UNC13B: variants seen among roughly 807,000 people sequenced by gnomAD.
UNC13B encodes the protein protein unc-13 homolog B.
In UNC13B, 144 loss-of-function variants were observed where a neutral mutation model predicts 211.0. The ratio of observed to expected loss-of-function variants is 0.68; its 90% CI spans 0.60 to 0.78. The LOEUF is 0.78. Among genes scored for constraint, UNC13B ranks in the 30% least tolerant of loss-of-function variants. The probability of loss-of-function intolerance (pLI) is 0.00; values close to 1 mark genes in which losing one functional copy is unlikely to be tolerated. For missense variants in UNC13B, 1,777 were observed against 2,002.0 expected, an observed-to-expected ratio of 0.89 and a Z score of 2.14; for synonymous variants, 709 against 725.8, an observed-to-expected ratio of 0.98 and a Z score of 0.37.
intron 7 of UNC13B, among the ~76,000 whole-genome samples, chr9:35,281,752 A>G (rs1360297800): frequency 6.6e-6 from 1 of 152,208 alleles, no homozygotes; most frequent in Non-Finnish European, 1.5e-5. Flanking sequence ...TTACCTATTC[A>G]TTTCTACCTC....
At chr9:35,223,611 G>T (rs1158670365) in intron 1 of UNC13B, among the ~76,000 whole-genome samples, 1 of 151,364 alleles carries the variant, frequency 6.6e-6, no homozygotes, top group Non-Finnish European at 1.5e-5. Flanking sequence ...TGCAAATATT[G>T]TCTCCCATTC....
intron 1 of UNC13B, among the ~76,000 whole-genome samples, chr9:35,169,766 A>C (rs1468290950): frequency 6.6e-6 from 1 of 152,204 alleles, no homozygotes; most frequent in Non-Finnish European, 1.5e-5. Context: ...TCTGTTCCTT[A>C]TAAGTAGCGT....
At position 35,305,858 on chromosome 9, in the gene UNC13B, C is replaced by T. The variant is rs929455681; in HGVS notation, c.6454C>T (p.Gln2152Ter). 1.3e-5 allele frequency: 5 copies of T among 398,868 alleles called. No homozygotes were observed. Among genetic ancestry groups the T allele is most frequent in the African/African-American group, 8.2e-5 (4 of 48,642 alleles). 24.7% of individuals were successfully genotyped at this position (398,868 alleles called of 1,614,324 possible). Residue 2152 changes from glutamine (Q) to a stop codon, truncating the protein, a stop_gained, in exon 9 of 40, where the codon CAA (glutamine) becomes TAA (stop). Coordinates refer to ENST00000635942, the MANE Select transcript of UNC13B (RefSeq NM_001371189.2). LOFTEE classifies it high-confidence loss of function. ...CTCTATGGCTGCAACATCTTCATCTCAACCAGAGTTATCAACCAAAAAGAG... is the reference window on the plus strand; with the variant it reads ...CTCTATGGCTGCAACATCTTCATCTTAACCAGAGTTATCAACCAAAAAGAG... Reference protein sequence around the residue: ...SFSMAATSSSQPELSTKKSIF... With the variant: ...SFSMAATSSS
rs572458105 is a variant in UNC13B, at chr9:35,218,928, T to C, written c.23-9087T>C. Among the ~76,000 whole-genome samples, 15 of 152,138 alleles carry C rather than the reference T, an allele frequency of 9.9e-5. No homozygotes were observed. The South Asian group carries it at 3.1e-3, about 32-fold the overall frequency. On this transcript the variant is annotated intron_variant, in intron 1 of 39. Transcript: ENST00000635942. Reference sequence around the variant, plus strand: ...CCACGCCTGGCTAATTTTGTATTTTTAGTAGAGATGGGGTTTCTCCATGTT... The same window carrying C: ...CCACGCCTGGCTAATTTTGTATTTTCAGTAGAGATGGGGTTTCTCCATGTT...
intron 1 of UNC13B, among the ~76,000 whole-genome samples, chr9:35,213,660 CAGTT>C (rs1289871071): frequency 7.2e-5 from 11 of 152,100 alleles, no homozygotes; most frequent in African/African-American, 2.7e-4. Context: ...GTCATATGCT[CAGTT>C]AAAGCCTGGC....
chr9:35,170,331 A>G (rs773646541), intron 1 of UNC13B, among the ~76,000 whole-genome samples: 3 of 151,800 alleles, frequency 2.0e-5, no homozygotes, highest in Non-Finnish European at 4.4e-5. Context: ...ACGCCTAGCT[A>G]ATTTTTGTAT....
intron 26 of UNC13B, among the ~76,000 whole-genome samples, chr9:35,392,770 T>C (rs988026890): frequency 2.0e-5 from 3 of 151,464 alleles, no homozygotes; most frequent in Non-Finnish European, 4.4e-5. Context: ...TGTGCACATG[T>C]ACCCTAAAAC....
Position 35,390,627 on chromosome 9 carries a change from A to G in UNC13B, c.11223-2A>G. 1 of 1,613,738 alleles carries G rather than the reference A, an allele frequency of 6.2e-7. No homozygotes were observed. The highest frequency in any genetic ancestry group is 8.5e-7 in the Non-Finnish European group (1 of 1,179,924). ...CTGACTGTGGTTTCTTCTGTCATCC[A>G]GGTTTCCTCAGGAGTTGAATGTGGG... is the stretch of plus-strand genomic sequence containing the variant. On this transcript the variant is annotated splice_acceptor_variant, in intron 25 of 39. Coordinates refer to ENST00000635942, the MANE Select transcript of UNC13B (RefSeq NM_001371189.2). LOFTEE classifies it high-confidence loss of function.
intron 8 of UNC13B, among the ~76,000 whole-genome samples, chr9:35,296,226 C>A (rs568496371): frequency 6.6e-6 from 1 of 152,220 alleles, no homozygotes; most frequent in Non-Finnish European, 1.5e-5. Context: ...CACTTCCTGA[C>A]TCAGTGAGTT....
Position 35,162,297 on chromosome 9 carries a change from G to T in UNC13B, c.14G>T (p.Cys5Phe). ...CGATCCTCGGCCATGTCACTGCTCT[G>T]CGTGCGCGGTGAGTGCGCGGACTGA... MSLL[C>F]VRVKRAKFQG... Residue 5 changes from cysteine to phenylalanine, a missense_variant, in exon 1 of 40, where the codon TGC becomes TTC. Physicochemically the swap from Cys to Phe is radical, Grantham distance 205. Transcript: ENST00000635942. 6.5e-7 allele frequency: 1 copy of T among 1,543,164 alleles called. No homozygotes were observed.
In UNC13B at chr9:35,231,135, A is replaced by G. The variant is rs1564081136; in HGVS notation, c.68A>G (p.Tyr23Cys). The change falls in exon 3 of 40, where the codon TAT becomes TGT. Residue 23 changes from tyrosine to cysteine, a missense_variant. Coordinates refer to ENST00000635942, the MANE Select transcript of UNC13B (RefSeq NM_001371189.2). ...TTTTTCAAAGATAAATTTAACACATATGTGACCCTGAAAGTACAGAATGTG... is the reference window on the plus strand; with the variant it reads ...TTTTTCAAAGATAAATTTAACACATGTGTGACCCTGAAAGTACAGAATGTG... ...FQGSPDKFNT[Y>C]VTLKVQNVKS... 2 of 1,611,980 alleles carry G rather than the reference A, an allele frequency of 1.2e-6. No individual in the cohort carries two copies. Among genetic ancestry groups the G allele is most frequent in the South Asian group, 1.1e-5 (1 of 90,946 alleles).
intron 11 of UNC13B, among the ~76,000 whole-genome samples, chr9:35,329,216 G>A (rs538820405): frequency 6.6e-6 from 1 of 152,234 alleles, no homozygotes; most frequent in South Asian, 2.1e-4. Flanking sequence ...TTCCCCAGGG[G>A]TTGGATACCT....
intron 12 of UNC13B, 51 bp downstream of exon 12, chr9:35,367,044 T>C (rs758832166): frequency 6.4e-7 from 1 of 1,550,402 alleles, no homozygotes; most frequent in African/African-American, 1.4e-5. Context: ...TATCTCTTGA[T>C]GCTTTTAGCT....
At chr9:35,367,062 T>C in intron 12 of UNC13B, 69 bp downstream of exon 12, 1 of 1,489,584 alleles carries the variant, frequency 6.7e-7, no homozygotes, top group Non-Finnish European at 9.4e-7. Flanking sequence ...GCTTTTCCCC[T>C]GGGAAGCAGG....
intron 1 of UNC13B, among the ~76,000 whole-genome samples, chr9:35,173,355 A>G (rs999707484): frequency 6.6e-6 from 1 of 151,918 alleles, no homozygotes; most frequent in South Asian, 2.1e-4. Context: ...CATTCCCACA[A>G]TTACACCAGA....
At chr9:35,243,480 T>C (rs1825920153) in intron 6 of UNC13B, 116 bp downstream of exon 6, 1 of 1,082,174 alleles carries the variant, frequency 9.2e-7, no homozygotes, top group Admixed American at 2.3e-5. Flanking sequence ...ATCACTTAAA[T>C]TGCATTGAAG....
intron 6 of UNC13B, among the ~76,000 whole-genome samples, chr9:35,247,192 C>T (rs1348380106): frequency 1.3e-5 from 2 of 152,066 alleles, no homozygotes; most frequent in Non-Finnish European, 2.9e-5. Context: ...GTGATTTTTG[C>T]ACATTGATTT....
intron 1 of UNC13B, among the ~76,000 whole-genome samples, chr9:35,226,272 C>T (rs977402555): frequency 5.9e-5 from 9 of 152,216 alleles, no homozygotes; most frequent in Admixed American, 5.9e-4. Context: ...AATTCCACTG[C>T]CTTGGTAGAT....
rs764788298 is a variant in UNC13B, at chr9:35,243,283, T to TA, written c.395-7dup. 3 of 1,612,880 alleles carry TA rather than the reference T, an allele frequency of 1.9e-6. No homozygotes were observed. The highest frequency in any genetic ancestry group is 2.2e-5 in the East Asian group (1 of 44,872). On this transcript the variant is annotated splice_region_variant and splice_polypyrimidine_tract_variant and intron_variant, in intron 5 of 39. Transcript: ENST00000635942. ...TTTCTTTTCTTTTTCTTCTTTTTTT[T>TA]ATGGTAGATATCCCAGAGGAGGAAG...
Sources: allele counts gnomAD v4.1 joint callset (sites outside exome capture counted in the v4.1 genomes callset), GRCh38; gene constraint gnomAD v4.1.1; transcripts MANE v1.5; gene names NCBI Gene and HGNC (gene_info 2026-07-23, HGNC 2026-07-21).